The following WDR12 variants were observed in gnomAD, a reference collection of about 807,000 sequenced individuals.
WDR12 encodes ribosome biogenesis protein WDR12.
WDR12 carries 42 observed loss-of-function variants against 64.3 expected under a neutral mutation model. That is an observed-to-expected ratio of 0.65 (90% CI 0.51 to 0.84). The LOEUF (loss-of-function observed/expected upper bound fraction) is 0.84, where lower values mean the gene tolerates loss of function less well. Among genes scored for constraint, WDR12 ranks in the 40% least tolerant of loss-of-function variants. The pLI, the probability that WDR12 is intolerant of heterozygous loss-of-function variation, is 0.00. For missense variants in WDR12, 469 were observed against 494.6 expected (o/e 0.95, Z 0.49); for synonymous variants, 158 against 173.3 (o/e 0.91, Z 0.70).
chr2:202,896,985 AAAAACAAAACAAAAC>A (rs541694225), intron 5 of WDR12, among the ~76,000 whole-genome samples: 2 of 152,096 alleles, frequency 1.3e-5, no homozygotes, highest in African/African-American at 4.8e-5. Context: ...AGACTATCTC[AAAAACAAAACAAAAC>A]AAAACAAAAC....
chr2:202,908,348 G>A (rs1021504451), intron 1 of WDR12, among the ~76,000 whole-genome samples: 9 of 152,276 alleles, frequency 5.9e-5, no homozygotes, highest in African/African-American at 2.2e-4. Context: ...CCAGCTACTT[G>A]GGAGGCTGAG....
rs919151120 is a variant in WDR12 at position 202,879,103 on chromosome 2, T to A, written c.*1757A>T. 6.6e-6 allele frequency: 1 copy of A among 152,160 alleles called. No individual in the cohort carries two copies. The highest frequency in any genetic ancestry group is 2.4e-5 in the African/African-American group (1 of 41,408). The allele number at this position is 152,160 out of a possible 1,614,324, so 9.4% of individuals were successfully genotyped here. On this transcript the variant is annotated 3_prime_UTR_variant, in exon 13 of 13. Coordinates refer to ENST00000261015, the MANE Select transcript of WDR12 (RefSeq NM_018256.4). ...TGAAATGCAGTGGCACAATCTCAGC[T>A]CACTGCAACCTCTGCCTCTCGGGTT...
chr2:202,891,493 AG>A (rs2105906182), intron 8 of WDR12, among the ~76,000 whole-genome samples: 1 of 152,324 alleles, frequency 6.6e-6, no homozygotes, highest in East Asian at 1.9e-4. Context: ...AAAGAAGTTG[AG>A]TAAGTGCCAG....
intron 8 of WDR12, among the ~76,000 whole-genome samples, chr2:202,890,535 C>G (rs1006045069): frequency 1.3e-5 from 2 of 151,390 alleles, no homozygotes; most frequent in Admixed American, 6.6e-5. Flanking sequence ...TTTGGGAGGC[C>G]GAGGCGGGTG....
At chr2:202,904,422 C>T (rs1261690732) in intron 2 of WDR12, among the ~76,000 whole-genome samples, 1 of 151,992 alleles carries the variant, frequency 6.6e-6, no homozygotes, top group Non-Finnish European at 1.5e-5. Flanking sequence ...GGAGGAATCA[C>T]ATTACCTGAC....
chr2:202,902,333 C>T (rs1016078822), intron 2 of WDR12, among the ~76,000 whole-genome samples: 2 of 152,124 alleles, frequency 1.3e-5, no homozygotes, highest in South Asian at 2.1e-4. Context: ...ATGTAATACA[C>T]TGTGATGGTT....
intron 2 of WDR12, among the ~76,000 whole-genome samples, chr2:202,905,899 G>A (rs1275158958): frequency 6.6e-6 from 1 of 152,214 alleles, no homozygotes; most frequent in African/African-American, 2.4e-5. Flanking sequence ...TGAGAGGCAA[G>A]TGGAAATGGA....
intron 3 of WDR12, among the ~76,000 whole-genome samples, chr2:202,900,818 A>G (rs1349029529): frequency 6.6e-6 from 1 of 152,182 alleles, no homozygotes; most frequent in Non-Finnish European, 1.5e-5. Flanking sequence ...ATACAGGAAT[A>G]TACATATATA....
chr2:202,886,883 A>G (rs999826431), intron 8 of WDR12, among the ~76,000 whole-genome samples: 8 of 152,080 alleles, frequency 5.3e-5, no homozygotes, highest in Admixed American at 5.2e-4. Context: ...TGTAATATTT[A>G]GGAGTTATAA....
chr2:202,880,150 A>C lies in WDR12; in HGVS notation c.*710T>G, dbSNP rs887544031. The C allele has an allele frequency of 3.3e-5, 5 of 152,336 alleles. No individual in the cohort carries two copies. The East Asian group carries it at 9.6e-4, about 29-fold the overall frequency. The allele number at this position is 152,336 out of a possible 1,614,324, so 9.4% of individuals were successfully genotyped here. ...TTTTTCTCTATTACAATTTTCATTA[A>C]TCTTTTTGAATGCTTTTTTAAAATA... is the stretch of plus-strand genomic sequence containing the variant. On this transcript the variant is annotated 3_prime_UTR_variant, in exon 13 of 13. Coordinates refer to ENST00000261015, the MANE Select transcript of WDR12 (RefSeq NM_018256.4).
chr2:202,886,676 A>C (rs896698020), intron 8 of WDR12, among the ~76,000 whole-genome samples: 1 of 149,240 alleles, frequency 6.7e-6, no homozygotes, highest in Non-Finnish European at 1.5e-5. Context: ...CTGAGGCAGG[A>C]GAATCGCTTG....
Position 202,884,524 on chromosome 2 carries a change from C to A in WDR12, c.753G>T (p.Val251=), listed in dbSNP as rs753710018. The part of the protein sequence containing the change: ...EQLGLTRTPI[V]TLSGHMEAVS... ...CTGCCTCCATGTGGCCAGAGAGGGTCACTATGGGAGTCTAGAAAGGAAGAA... is the reference window on the plus strand; with the variant it reads ...CTGCCTCCATGTGGCCAGAGAGGGTAACTATGGGAGTCTAGAAAGGAAGAA... Residue 251 remains valine (V), a synonymous_variant, in exon 9 of 13, where the codon GTG becomes GTT. Coordinates refer to ENST00000261015, the MANE Select transcript of WDR12 (RefSeq NM_018256.4). 2.5e-6 allele frequency: 4 copies of A among 1,612,792 alleles called. No homozygotes were observed. In the Admixed American group the frequency reaches 5.0e-5, roughly 20 times the overall value.
At chr2:202,896,344 T>C (rs1353820488) in intron 5 of WDR12, 125 bp from the exon 6 acceptor site, 8 of 1,061,782 alleles carry the variant, frequency 7.5e-6, no homozygotes, top group Middle Eastern at 3.1e-4. Flanking sequence ...AGATAACTCA[T>C]ATGGCCAGGT....
At chr2:202,899,143 C>T (rs1025074341) in intron 4 of WDR12, among the ~76,000 whole-genome samples, 4 of 144,384 alleles carry the variant, frequency 2.8e-5, no homozygotes, top group Admixed American at 7.3e-5. Context: ...CCCAGGTTCA[C>T]GCCATTCTCC....
intron 8 of WDR12, 128 bp downstream of exon 8, chr2:202,892,489 A>C: frequency 1.9e-6 from 1 of 520,444 alleles, no homozygotes; most frequent in Non-Finnish European, 3.4e-6. Context: ...ACTGAAAAAA[A>C]GGATAATCAT....
chr2:202,879,633 T>C lies in WDR12; in HGVS notation c.*1227A>G, dbSNP rs368494984. 6.6e-6 allele frequency: 1 copy of C among 151,740 alleles called. No homozygotes were observed. The highest frequency in any genetic ancestry group is 2.4e-5 in the African/African-American group (1 of 41,258). 9.4% of individuals were successfully genotyped at this position (151,740 alleles called of 1,614,324 possible). ...TTTTAGTAGAGACAAAGTTTCACCA[T>C]GTTGGTCAGGCTGGTCTCGAACCCC... On this transcript the variant is annotated 3_prime_UTR_variant, in exon 13 of 13. Transcript: ENST00000261015.
intron 4 of WDR12, among the ~76,000 whole-genome samples, chr2:202,899,254 C>T (rs931516514): frequency 5.3e-5 from 8 of 151,746 alleles, no homozygotes; most frequent in African/African-American, 1.9e-4. Flanking sequence ...CCATGTTAGC[C>T]AGGATGGTCT....
intron 6 of WDR12, 75 bp downstream of exon 6, chr2:202,895,990 T>C (rs1393561059): frequency 1.3e-6 from 2 of 1,524,656 alleles, no homozygotes; most frequent in East Asian, 2.3e-5. Context: ...ACAATGAATA[T>C]ATGCAGAAGA....
At chr2:202,885,991 A>G (rs1051777798) in intron 8 of WDR12, among the ~76,000 whole-genome samples, 9 of 152,186 alleles carry the variant, frequency 5.9e-5, no homozygotes, top group Admixed American at 1.3e-4. Flanking sequence ...CAGCAGTTTG[A>G]GGCTACAGTG....
Sources: allele counts gnomAD v4.1 joint callset (sites outside exome capture counted in the v4.1 genomes callset), GRCh38; gene constraint gnomAD v4.1.1; transcripts MANE v1.5; gene names NCBI Gene and HGNC (gene_info 2026-07-23, HGNC 2026-07-21).